NRXN3: variants seen among roughly 807,000 people sequenced by gnomAD.
The protein encoded by NRXN3 is neurexin III.
Under a neutral mutation model 137.6 loss-of-function variants are expected in NRXN3, and 32 were observed. The observed-to-expected ratio is 0.23, with a 90% CI of 0.18 to 0.31. The LOEUF (loss-of-function observed/expected upper bound fraction) is 0.31. Among genes scored for constraint, NRXN3 ranks in the 10% least tolerant of loss-of-function variants. The pLI is 1.00. For missense variants in NRXN3, 1,574 were observed against 2,062.5 expected, an observed-to-expected ratio of 0.76 and a Z score of 4.59; for synonymous variants, 798 against 784.5, an observed-to-expected ratio of 1.02 and a Z score of -0.29.
chr14:78,213,007 T>TG (rs1334903743), intron 1 of NRXN3, among the ~76,000 whole-genome samples: 1 of 152,244 alleles, frequency 6.6e-6, no homozygotes, highest in Non-Finnish European at 1.5e-5. Context: ...TCTAAGGACC[T>TG]GGGTTTTATG....
chr14:78,553,310 G>A (rs1199828116), intron 4 of NRXN3, among the ~76,000 whole-genome samples: 8 of 152,176 alleles, frequency 5.3e-5, no homozygotes, highest in African/African-American at 1.9e-4. Flanking sequence ...TTGAGGAGCT[G>A]AAAGAATGAA....
intron 16 of NRXN3, among the ~76,000 whole-genome samples, chr14:79,659,417 G>A (rs1186089939): frequency 1.3e-5 from 2 of 152,144 alleles, no homozygotes; most frequent in Non-Finnish European, 2.9e-5. Context: ...TACAAAGAAT[G>A]TAGAGAGATA....
intron 18 of NRXN3, 90 bp from the exon 19 acceptor site, chr14:79,697,540 C>A: frequency 1.4e-6 from 2 of 1,385,778 alleles, no homozygotes; most frequent in Admixed American, 2.2e-5. Context: ...CTCAAGGAAG[C>A]CTGTTATGAT....
chr14:78,310,260 C>CT (rs201314931), intron 4 of NRXN3, among the ~76,000 whole-genome samples: 4,839 of 125,480 alleles, frequency 0.039, 188 homozygotes, highest in African/African-American at 0.089. Context: ...TTATGAATGG[C>CT]TTTTTTTTTT....
At chr14:78,680,150 A>G (rs1209201157) in intron 6 of NRXN3, among the ~76,000 whole-genome samples, 2 of 152,134 alleles carry the variant, frequency 1.3e-5, no homozygotes, top group Non-Finnish European at 2.9e-5. Context: ...AATACTGCAT[A>G]TTCTTATTTA....
intron 15 of NRXN3, among the ~76,000 whole-genome samples, chr14:79,305,149 C>A (rs958960199): frequency 6.6e-6 from 1 of 151,824 alleles, no homozygotes; most frequent in African/African-American, 2.4e-5. Flanking sequence ...TTTAAACTAC[C>A]CATTTATGTA....
chr14:78,457,063 T>G (rs1457501345), intron 4 of NRXN3, among the ~76,000 whole-genome samples: 1 of 125,102 alleles, frequency 8.0e-6, no homozygotes, highest in African/African-American at 3.0e-5. Flanking sequence ...CTCCTCTTTC[T>G]CCTCCCACTC....
intron 15 of NRXN3, among the ~76,000 whole-genome samples, chr14:79,435,627 C>CACACAT (rs1217902940): frequency 2.0e-5 from 3 of 151,014 alleles, no homozygotes; most frequent in Non-Finnish European, 4.4e-5. Flanking sequence ...CACACACACA[C>CACACAT]ACATACATTC....
intron 15 of NRXN3, among the ~76,000 whole-genome samples, chr14:79,466,804 G>A (rs1437057405): frequency 1.3e-5 from 2 of 152,156 alleles, no homozygotes; most frequent in African/African-American, 4.8e-5. Context: ...CCACTGACCA[G>A]ATTATGCTGA....
At chr14:79,648,996 C>T (rs917262542) in intron 16 of NRXN3, among the ~76,000 whole-genome samples, 1 of 152,118 alleles carries the variant, frequency 6.6e-6, no homozygotes, top group African/African-American at 2.4e-5. Context: ...GCGATGCATC[C>T]ATGTTTGAGG....
intron 4 of NRXN3, among the ~76,000 whole-genome samples, chr14:78,584,902 T>A (rs2097045735): frequency 6.6e-6 from 1 of 152,174 alleles, no homozygotes. Flanking sequence ...GATGGTATTA[T>A]ATACTTGTTT....
intron 6 of NRXN3, among the ~76,000 whole-genome samples, chr14:78,681,385 C>T (rs2098074121): frequency 6.6e-6 from 1 of 152,004 alleles, no homozygotes; most frequent in Non-Finnish European, 1.5e-5. Flanking sequence ...GGCACAGATA[C>T]CATAAGAGAA....
chr14:79,610,964 T>G (rs1452886363), intron 16 of NRXN3, among the ~76,000 whole-genome samples: 1 of 152,184 alleles, frequency 6.6e-6, no homozygotes, highest in Non-Finnish European at 1.5e-5. Context: ...GGATGTGATG[T>G]AGCCCCTTCT....
chr14:78,839,828 T>C (rs556580319), intron 10 of NRXN3, among the ~76,000 whole-genome samples: 2 of 152,320 alleles, frequency 1.3e-5, no homozygotes, highest in African/African-American at 4.8e-5. Context: ...GCATAAACAC[T>C]ACACAGCTAG....
chr14:79,214,502 A>G (rs1334542296), intron 15 of NRXN3, among the ~76,000 whole-genome samples: 1 of 152,226 alleles, frequency 6.6e-6, no homozygotes, highest in East Asian at 1.9e-4. Flanking sequence ...AATGATAAAT[A>G]TTTGAGATGA....
At chr14:78,356,079 A>G (rs886584097) in intron 4 of NRXN3, among the ~76,000 whole-genome samples, 5 of 152,186 alleles carry the variant, frequency 3.3e-5, no homozygotes, top group African/African-American at 1.2e-4. Context: ...GAATTTTACA[A>G]CTGTGATTGC....
chr14:79,129,093 A>T (rs911744326), intron 15 of NRXN3, among the ~76,000 whole-genome samples: 2 of 152,030 alleles, frequency 1.3e-5, no homozygotes, highest in African/African-American at 4.8e-5. Context: ...TCTTGCTAGC[A>T]GTCTATCAAT....
intron 15 of NRXN3, among the ~76,000 whole-genome samples, chr14:79,330,207 C>T (rs2091480053): frequency 6.6e-6 from 1 of 152,124 alleles, no homozygotes; most frequent in South Asian, 2.1e-4. Context: ...TGTTAATAGA[C>T]AGATGAACAA....
At chr14:78,744,648 G>A (rs1223506929) in intron 8 of NRXN3, 3 of 152,138 alleles carry the variant, frequency 2.0e-5, no homozygotes, top group South Asian at 2.1e-4. Context: ...AATTAGTGGC[G>A]AAGGTGTTAT....
Sources: allele counts gnomAD v4.1 joint callset (sites outside exome capture counted in the v4.1 genomes callset), GRCh38; gene constraint gnomAD v4.1.1; transcripts MANE v1.5; gene names NCBI Gene and HGNC (gene_info 2026-07-23, HGNC 2026-07-21).